Variants in AKT3 observed in about 807,000 individuals in gnomAD.
The protein encoded by AKT3 is AKT serine/threonine kinase 3.
AKT3 carries 15 observed loss-of-function variants against 65.3 expected under a neutral mutation model. The observed-to-expected ratio is 0.23, with a 90% CI of 0.15 to 0.35. AKT3 has a LOEUF of 0.35. Ranked by LOEUF, AKT3 falls within the 10% of genes least tolerant of loss-of-function variation. The probability of loss-of-function intolerance (pLI) is 1.00; values close to 1 mark genes in which losing one functional copy is unlikely to be tolerated. For missense variants in AKT3, 243 were observed against 576.5 expected (o/e 0.42, Z 5.92); for synonymous variants, 206 against 183.8 (o/e 1.12, Z -0.98).
At chr1:243,795,155 T>C (rs565923718) in intron 2 of AKT3, among the ~76,000 whole-genome samples, 53 of 151,876 alleles carry the variant, frequency 3.5e-4, no homozygotes, top group African/African-American at 1.1e-3. Flanking sequence ...TTTTTTTTAA[T>C]GTTGGAGTCT....
At chr1:243,609,334 C>CTGTGTGTG (rs72249798) in intron 8 of AKT3, among the ~76,000 whole-genome samples, 10,530 of 148,088 alleles carry the variant, frequency 0.071, 422 homozygotes, top group South Asian at 0.17. Flanking sequence ...TTTTCATTTT[C>CTGTGTGTG]TGTGTGTGTG....
intron 2 of AKT3, among the ~76,000 whole-genome samples, chr1:243,792,944 T>C (rs1691721437): frequency 6.6e-6 from 1 of 152,198 alleles, no homozygotes; most frequent in African/African-American, 2.4e-5. Flanking sequence ...TGAAAAAAGA[T>C]GTCTTAAGCT....
intron 2 of AKT3, among the ~76,000 whole-genome samples, chr1:243,740,364 G>T (rs914442410): frequency 2.0e-5 from 3 of 152,128 alleles, no homozygotes; most frequent in Admixed American, 6.5e-5. Flanking sequence ...ATTATTTCAG[G>T]TTTCTTTCTC....
At chr1:243,505,952 G>A (rs1669639757) in intron 13 of AKT3, among the ~76,000 whole-genome samples, 1 of 152,248 alleles carries the variant, frequency 6.6e-6, no homozygotes, top group African/African-American at 2.4e-5. Flanking sequence ...GAAGAGACTT[G>A]AAAGGCATCA....
chr1:243,803,913 G>A (rs1692548972), intron 2 of AKT3, among the ~76,000 whole-genome samples: 1 of 152,206 alleles, frequency 6.6e-6, no homozygotes, highest in Non-Finnish European at 1.5e-5. Flanking sequence ...TAACTGGTGA[G>A]AAGGAGTCTA....
intron 2 of AKT3, among the ~76,000 whole-genome samples, chr1:243,763,933 C>T (rs1689651482): frequency 6.6e-6 from 1 of 152,032 alleles, no homozygotes; most frequent in Admixed American, 6.6e-5. Flanking sequence ...TTTCATCAAT[C>T]TAATCAGCAG....
chr1:243,760,850 G>A (rs1689450181), intron 2 of AKT3, among the ~76,000 whole-genome samples: 1 of 152,090 alleles, frequency 6.6e-6, no homozygotes, highest in African/African-American at 2.4e-5. Flanking sequence ...GTTTAAATAA[G>A]CTTCATTCAG....
At chr1:243,677,205 C>T (rs1454305803) in intron 3 of AKT3, among the ~76,000 whole-genome samples, 1 of 152,178 alleles carries the variant, frequency 6.6e-6, no homozygotes, top group African/African-American at 2.4e-5. Flanking sequence ...ATACTCCCTT[C>T]CTTTTTACTT....
At chr1:243,547,236 A>T (rs1672741821) in intron 11 of AKT3, among the ~76,000 whole-genome samples, 1 of 152,324 alleles carries the variant, frequency 6.6e-6, no homozygotes, top group South Asian at 2.1e-4. Flanking sequence ...ACCATTATAT[A>T]TTATGTCCAA....
At chr1:243,775,152 C>G (rs1389936909) in intron 2 of AKT3, among the ~76,000 whole-genome samples, 1 of 152,036 alleles carries the variant, frequency 6.6e-6, no homozygotes, top group Non-Finnish European at 1.5e-5. Flanking sequence ...CGTGAGCTAC[C>G]GCACCCGTCC....
chr1:243,592,527 T>C (rs1298832782), intron 8 of AKT3, among the ~76,000 whole-genome samples: 4 of 152,050 alleles, frequency 2.6e-5, no homozygotes, highest in African/African-American at 7.2e-5. Flanking sequence ...ACAGAAACTG[T>C]ATAAGCCAGA....
intron 2 of AKT3, among the ~76,000 whole-genome samples, chr1:243,810,712 A>T (rs1359650394): frequency 6.6e-6 from 1 of 152,214 alleles, no homozygotes; most frequent in Non-Finnish European, 1.5e-5. Flanking sequence ...AGCCTGGCAG[A>T]GACACAACAA....
chr1:243,505,311 T>A lies in AKT3; in HGVS notation c.1378A>T (p.Met460Leu), dbSNP rs774657057. 6.2e-7 allele frequency: 1 copy of A among 1,614,214 alleles called. No individual in the cohort carries two copies. Among genetic ancestry groups the A allele is most frequent in the Non-Finnish European group, 8.5e-7 (1 of 1,180,024 alleles). Reference sequence around the variant, plus strand: ...AAATGCGGCCGCCTCTCATTGTCCATGCAGTCCATACCATCCTCATCATCT... The same window carrying A: ...AAATGCGGCCGCCTCTCATTGTCCAAGCAGTCCATACCATCCTCATCATCT... ...EKYDEDGMDC[M>L]DNERRPHFPQ... Residue 460 changes from methionine (M) to leucine (L), a missense_variant, in exon 14 of 14, where the codon ATG becomes TTG. Physicochemically the swap from Met to Leu is conservative, Grantham distance 15. Coordinates refer to ENST00000673466, the MANE Select transcript of AKT3 (RefSeq NM_005465.7).
intron 12 of AKT3, among the ~76,000 whole-genome samples, chr1:243,518,138 A>C (rs916137063): frequency 1.3e-5 from 2 of 152,260 alleles, no homozygotes; most frequent in African/African-American, 2.4e-5. Context: ...TACAATGTGA[A>C]GGCTTTGAAT....
intron 6 of AKT3, among the ~76,000 whole-genome samples, chr1:243,616,555 G>C (rs1278350184): frequency 6.6e-6 from 1 of 152,032 alleles, no homozygotes; most frequent in South Asian, 2.1e-4. Flanking sequence ...CTGCTGAAAC[G>C]AACACAGCAT....
intron 3 of AKT3, among the ~76,000 whole-genome samples, chr1:243,676,650 T>C (rs1683539628): frequency 6.6e-6 from 1 of 152,232 alleles, no homozygotes; most frequent in Non-Finnish European, 1.5e-5. Flanking sequence ...AGTTTTTCTA[T>C]TTTATTTCCA....
intron 2 of AKT3, among the ~76,000 whole-genome samples, chr1:243,832,646 C>T (rs930040772): frequency 1.3e-5 from 2 of 152,174 alleles, no homozygotes; most frequent in African/African-American, 4.8e-5. Flanking sequence ...TGGCTTTTTA[C>T]TCAAGGCGCT....
intron 10 of AKT3, among the ~76,000 whole-genome samples, chr1:243,557,927 A>G (rs1007276407): frequency 1.3e-5 from 2 of 152,092 alleles, no homozygotes; most frequent in East Asian, 3.8e-4. Flanking sequence ...CAAAAAGCAT[A>G]GAGATTCTAA....
chr1:243,509,771 C>T (rs1669906033), intron 13 of AKT3, among the ~76,000 whole-genome samples: 1 of 152,084 alleles, frequency 6.6e-6, no homozygotes, highest in Non-Finnish European at 1.5e-5. Context: ...ATTGGCAGAA[C>T]TCTCGGTGCC....
Sources: allele counts gnomAD v4.1 joint callset (sites outside exome capture counted in the v4.1 genomes callset), GRCh38; gene constraint gnomAD v4.1.1; transcripts MANE v1.5; gene names NCBI Gene and HGNC (gene_info 2026-07-23, HGNC 2026-07-21).